Variants in FASTKD1 observed in about 807,000 individuals in gnomAD.
FASTKD1 encodes FAST kinase domains 1.
FASTKD1 carries 94 observed loss-of-function variants against 90.9 expected under a neutral mutation model. The ratio of observed to expected loss-of-function variants is 1.03; its 90% CI spans 0.88 to 1.23. The LOEUF (loss-of-function observed/expected upper bound fraction) is 1.23, where lower values mean the gene tolerates loss of function less well. Among genes scored for constraint, FASTKD1 ranks in the 50% most tolerant of loss-of-function variants. The pLI, the probability that FASTKD1 is intolerant of heterozygous loss-of-function variation, is 0.00. For missense variants in FASTKD1, 945 were observed against 993.5 expected, an observed-to-expected ratio of 0.95 and a Z score of 0.66; for synonymous variants, 319 against 345.8, an observed-to-expected ratio of 0.92 and a Z score of 0.86.
At chr2:169,531,611 G>A (rs1684497430) in intron 12 of FASTKD1, 121 bp from the exon 13 acceptor site, 2 of 738,358 alleles carry the variant, frequency 2.7e-6, no homozygotes, top group African/African-American at 1.8e-5. Flanking sequence ...ACAAAAGAAT[G>A]ACGAACCTCT....
intron 3 of FASTKD1, among the ~76,000 whole-genome samples, chr2:169,566,133 G>C (rs760263755): frequency 6.6e-6 from 1 of 151,948 alleles, no homozygotes; most frequent in East Asian, 1.9e-4. Flanking sequence ...GTGTACTCTC[G>C]CTTCACTTTG....
chr2:169,554,167 A>C (rs1266655520), intron 7 of FASTKD1, among the ~76,000 whole-genome samples: 1 of 149,254 alleles, frequency 6.7e-6, no homozygotes, highest in Non-Finnish European at 1.5e-5. Context: ...CTGAGGCGGG[A>C]GGATCACTTC....
chr2:169,557,311 A>G lies in FASTKD1; in HGVS notation c.972-14T>C. On this transcript the variant is annotated splice_polypyrimidine_tract_variant and intron_variant, in intron 5 of 14. Transcript: ENST00000453153. ...GTTGATTTAAGTCTAGAAGCAAAAA[A>G]AAAAAAGTTTTTGGTTGAAAGACTG... The G allele has an allele frequency of 6.6e-7, 1 of 1,514,582 alleles. No homozygotes were observed. Among genetic ancestry groups the G allele is most frequent in the Non-Finnish European group, 8.9e-7 (1 of 1,121,222 alleles). The allele number at this position is 1,514,582 out of a possible 1,614,324, so 93.8% of individuals were successfully genotyped here. A position where few individuals can be genotyped will look rare whatever the true frequency, so the allele number is the denominator to read the frequency against.
chr2:169,549,206 C>T (rs1407594714), intron 7 of FASTKD1, among the ~76,000 whole-genome samples: 1 of 152,152 alleles, frequency 6.6e-6, no homozygotes, highest in Non-Finnish European at 1.5e-5. Context: ...ACCAGCCTAA[C>T]CAACATGGAA....
Position 169,560,513 on chromosome 2 carries a change from C to T in FASTKD1, c.845G>A (p.Ser282Asn). 6.2e-7 allele frequency: 1 copy of T among 1,604,146 alleles called. No homozygotes were observed. The highest frequency in any genetic ancestry group is 8.5e-7 in the Non-Finnish European group (1 of 1,175,272). Reference sequence around the variant, plus strand: ...TTTAGCCATTATAATAAATTCAAAACTATTAAATTGTAGAAATTTGTATAC... The same window carrying T: ...TTTAGCCATTATAATAAATTCAAAATTATTAAATTGTAGAAATTTGTATAC... Reference protein sequence around the residue: ...LSVYKFLQFNSFEFIIMAKKK... With the variant: ...LSVYKFLQFNNFEFIIMAKKK... Residue 282 changes from serine (S) to asparagine (N), a missense_variant, in exon 5 of 15, where the codon AGT (serine) becomes AAT (asparagine). Transcript: ENST00000453153.
chr2:169,539,983 T>C (rs1318231150), intron 10 of FASTKD1, 68 bp downstream of exon 10: 8 of 985,812 alleles, frequency 8.1e-6, no homozygotes, highest in African/African-American at 6.7e-5. Context: ...TTCTTCAGTA[T>C]AGATAGACCT....
intron 7 of FASTKD1, among the ~76,000 whole-genome samples, chr2:169,548,697 A>AC (rs1685335957): frequency 7.6e-6 from 1 of 132,148 alleles, no homozygotes; most frequent in South Asian, 2.4e-4. Context: ...ACGCCACTGC[A>AC]CTCCAGCCTG....
At position 169,530,575 on chromosome 2, in the gene FASTKD1, A is replaced by T. The variant is rs1312387991; in HGVS notation, c.2442+12T>A. ...GGCTTTTTAGAGGCTGAATTACATG[A>T]GTATTTCATACCTGAATTACACGAT... On this transcript the variant is annotated intron_variant, in intron 14 of 14. Transcript: ENST00000453153. 6.8e-7 allele frequency: 1 copy of T among 1,475,970 alleles called. No homozygotes were observed. Among genetic ancestry groups the T allele is most frequent in the Non-Finnish European group, 9.4e-7 (1 of 1,068,598 alleles). 91.4% of individuals were successfully genotyped at this position (1,475,970 alleles called of 1,614,324 possible).
At chr2:169,531,206 G>A in intron 13 of FASTKD1, 146 bp downstream of exon 13, 1 of 864,106 alleles carries the variant, frequency 1.2e-6, no homozygotes. Context: ...GCAGAAAGGA[G>A]AGGAAAAGCA....
intron 5 of FASTKD1, among the ~76,000 whole-genome samples, chr2:169,558,479 C>T (rs536963821): frequency 5.4e-4 from 81 of 151,170 alleles, no homozygotes; most frequent in African/African-American, 1.8e-3. Context: ...GACAGAGTTT[C>T]GCTCCTGTTG....
At chr2:169,530,011 A>G (rs1016204090) in intron 14 of FASTKD1, 85 bp from the exon 15 acceptor site, 11 of 875,644 alleles carry the variant, frequency 1.3e-5, no homozygotes, top group African/African-American at 3.4e-5. Context: ...CTACTGATCA[A>G]AGCTGTAGGA....
Position 169,571,664 on chromosome 2 carries a change from G to A in FASTKD1, c.366C>T (p.Tyr122=), listed in dbSNP as rs374195638. 3.1e-5 allele frequency: 49 copies of A among 1,590,594 alleles called. 1 individual carries two copies. The highest frequency in any genetic ancestry group is 1.0e-4 in the South Asian group (9 of 89,934). ...MNDDTLVNVL[Y]VTQQFAGEAH... is the part of the protein sequence containing the mutation. ...AGTAAATTACTTACTGTTGTGTGACGTATAACACATTCACCAGGGTATCGT... is the reference window on the plus strand; with the variant it reads ...AGTAAATTACTTACTGTTGTGTGACATATAACACATTCACCAGGGTATCGT... The change falls in exon 2 of 15, where the codon TAC becomes TAT. Residue 122 remains tyrosine, a synonymous_variant. Coordinates refer to ENST00000453153, the MANE Select transcript of FASTKD1 (RefSeq NM_024622.6).
At chr2:169,549,277 G>A (rs761800577) in intron 7 of FASTKD1, among the ~76,000 whole-genome samples, 9 of 150,746 alleles carry the variant, frequency 6.0e-5, no homozygotes, top group Non-Finnish European at 1.0e-4. Flanking sequence ...CATGTAATGC[G>A]CTGTAATCCC....
intron 12 of FASTKD1, among the ~76,000 whole-genome samples, chr2:169,534,174 A>G (rs1195026354): frequency 8.1e-6 from 1 of 123,436 alleles, no homozygotes; most frequent in African/African-American, 3.2e-5. Context: ...ACAGAACAAG[A>G]CCCTTTCTCA....
chr2:169,570,533 T>C (rs1684185552), intron 2 of FASTKD1, among the ~76,000 whole-genome samples: 1 of 152,174 alleles, frequency 6.6e-6, no homozygotes. Flanking sequence ...CTTTTTCCTT[T>C]TAAGGGCTAT....
chr2:169,529,978 A>T (rs1193024749), intron 14 of FASTKD1, 52 bp from the exon 15 acceptor site: 2 of 1,276,856 alleles, frequency 1.6e-6, no homozygotes, highest in Non-Finnish European at 2.3e-6. Context: ...ACAACAAAAA[A>T]CATTGAGGAA....
intron 12 of FASTKD1, 105 bp downstream of exon 12, chr2:169,537,122 T>C: frequency 1.4e-6 from 1 of 714,072 alleles, no homozygotes; most frequent in Non-Finnish European, 2.4e-6. Context: ...TAATAACAAC[T>C]TGAAAAAAAT....
intron 7 of FASTKD1, among the ~76,000 whole-genome samples, chr2:169,550,486 TTTC>T (rs1485505669): frequency 2.6e-5 from 4 of 152,182 alleles, no homozygotes; most frequent in African/African-American, 9.7e-5. Flanking sequence ...TTTCCTTTCT[TTTC>T]TTTTTTAGAG....
At chr2:169,561,495 A>G (rs1342079461) in intron 4 of FASTKD1, among the ~76,000 whole-genome samples, 1 of 151,904 alleles carries the variant, frequency 6.6e-6, no homozygotes, top group Non-Finnish European at 1.5e-5. Flanking sequence ...CCCTCAAACC[A>G]CTGGTATGAA....
Sources: gnomAD v4.1 joint callset for allele counts (sites outside exome capture counted in the v4.1 genomes callset) on GRCh38, gnomAD v4.1.1 for gene constraint, MANE v1.5 for transcripts, NCBI Gene and HGNC (gene_info 2026-07-23, HGNC 2026-07-21) for gene names.